The following HNRNPH1 variants were observed in gnomAD, a reference collection of about 807,000 sequenced individuals.
HNRNPH1 encodes heterogeneous nuclear ribonucleoprotein H1.
HNRNPH1 carries 4 observed loss-of-function variants against 58.6 expected under a neutral mutation model. The observed-to-expected ratio is 0.07, with a 90% CI of 0.03 to 0.16. HNRNPH1 has a LOEUF of 0.16. HNRNPH1 is among the 10% of genes least tolerant of loss of function. The pLI, the probability that HNRNPH1 is intolerant of heterozygous loss-of-function variation, is 1.00. For missense variants in HNRNPH1, 271 were observed against 564.2 expected, an observed-to-expected ratio of 0.48 and a Z score of 5.26; for synonymous variants, 192 against 189.2, an observed-to-expected ratio of 1.01 and a Z score of -0.12.
upstream of HNRNPH1, among the ~76,000 whole-genome samples, chr5:179,628,224 C>G (rs1774544615): frequency 6.6e-6 from 1 of 152,124 alleles, no homozygotes; most frequent in Non-Finnish European, 1.5e-5. Context: ...TTTAGAAAGC[C>G]CTTTCCCATC....
exon 5 of HNRNPH1, chr5:179,618,274 CATA>C (rs765831236): frequency 2.5e-6 from 4 of 1,614,048 alleles, no homozygotes; most frequent in African/African-American, 1.3e-5. Flanking sequence ...CGTGGTGGAT[CATA>C]ATGAGTTCTA....
chr5:179,626,228 C>T (rs1406593921), upstream of HNRNPH1, among the ~76,000 whole-genome samples: 38 of 151,800 alleles, frequency 2.5e-4, no homozygotes, highest in Admixed American at 2.5e-3. Context: ...CTTAGCCTCC[C>T]AAGTAGAGGG....
intron 2 of HNRNPH1, among the ~76,000 whole-genome samples, chr5:179,631,577 C>G (rs1244546052): frequency 6.6e-6 from 1 of 152,136 alleles, no homozygotes; most frequent in Non-Finnish European, 1.5e-5. Context: ...GAAACCCCGC[C>G]TCTATTAAAA....
At chr5:179,620,499 G>GACACTTGCAACACAGACACT (rs1771827749) in intron 3 of HNRNPH1, among the ~76,000 whole-genome samples, 1 of 152,180 alleles carries the variant, frequency 6.6e-6, no homozygotes, top group Non-Finnish European at 1.5e-5. Flanking sequence ...ACCCAAATAC[G>GACACTTGCAACACAGACACT]TGTCTCTTGC....
chr5:179,629,028 C>G (rs28786752), upstream of HNRNPH1: 3 of 150,544 alleles, frequency 2.0e-5, no homozygotes, highest in Admixed American at 2.0e-4. Context: ...CTGGGCGCGG[C>G]GGCTCACGCC....
exon 13 of HNRNPH1, chr5:179,614,582 T>A: frequency 3.4e-6 from 1 of 290,924 alleles, no homozygotes; most frequent in Non-Finnish European, 6.6e-6. Flanking sequence ...ACTGCTTAAG[T>A]ACATCCTATA....
chr5:179,620,398 T>C (rs2127664891), intron 3 of HNRNPH1, among the ~76,000 whole-genome samples: 1 of 152,334 alleles, frequency 6.6e-6, no homozygotes, highest in Non-Finnish European at 1.5e-5. Context: ...TGATTTTCAG[T>C]AAGTTTATAC....
chr5:179,619,098 C>T lies in HNRNPH1; in HGVS notation c.536+171G>A, dbSNP rs1581678288. 2.4e-5 allele frequency: 14 copies of T among 573,652 alleles called. No homozygotes were observed. The South Asian group carries it at 3.7e-4, about 15-fold the overall frequency. The allele number at this position is 573,652 out of a possible 1,614,324, so 35.5% of individuals were successfully genotyped here. Reference sequence around the variant, plus strand: ...AATTAACTAGGGACAAATTTCAAACCTAAAATTTAGTTTGCGTGTAACGTG... The same window carrying T: ...AATTAACTAGGGACAAATTTCAAACTTAAAATTTAGTTTGCGTGTAACGTG... On this transcript the variant is annotated intron_variant, in intron 4 of 12. Transcript: ENST00000356731.
chr5:179,617,374 C>G, intron 8 of HNRNPH1, 140 bp downstream of exon 9: 1 of 1,027,716 alleles, frequency 9.7e-7, no homozygotes, highest in Non-Finnish European at 1.4e-6. Flanking sequence ...ACCTTCAACA[C>G]ACTGCCCCCG....
At chr5:179,620,781 G>T in intron 3 of HNRNPH1, 111 bp downstream of exon 4, 1 of 859,706 alleles carries the variant, frequency 1.2e-6, no homozygotes, top group South Asian at 1.7e-5. Context: ...TAATTCATTG[G>T]CAATTTACAA....
At chr5:179,621,748 G>C in intron 1 of HNRNPH1, 1 of 370,412 alleles carries the variant, frequency 2.7e-6, no homozygotes, top group Non-Finnish European at 5.2e-6. Context: ...ACTTCGTTGC[G>C]AGCTGTTTTG....
intron 10 of HNRNPH1, 102 bp downstream of exon 11, chr5:179,616,767 G>C (rs989487256): frequency 3.0e-5 from 31 of 1,047,542 alleles, no homozygotes; most frequent in Admixed American, 9.5e-5. Flanking sequence ...CTTTGCCTAA[G>C]TTTCTTATGC....
upstream of HNRNPH1, among the ~76,000 whole-genome samples, chr5:179,628,300 C>G (rs1206212083): frequency 6.6e-6 from 1 of 152,114 alleles, no homozygotes; most frequent in Non-Finnish European, 1.5e-5. Context: ...ACAGCTTAGC[C>G]TCAATAAGAT....
At chr5:179,614,827 T>A in exon 13 of HNRNPH1, 27 of 989,948 alleles carry the variant, frequency 2.7e-5, no homozygotes, top group Non-Finnish European at 4.1e-5. Flanking sequence ...GAGTCAGTGA[T>A]CAGGATCGAT....
intron 10 of HNRNPH1, 146 bp downstream of exon 11, chr5:179,616,723 A>G (rs1220920335): frequency 3.6e-5 from 25 of 686,252 alleles, no homozygotes; most frequent in Admixed American, 1.2e-4. Flanking sequence ...GGATTTAAGT[A>G]AGCCAGATAC....
At chr5:179,625,122 AC>A (rs143636454), upstream of HNRNPH1, among the ~76,000 whole-genome samples, 2,105 of 152,278 alleles carry the variant, frequency 0.014, 48 homozygotes, top group African/African-American at 0.045. Context: ...GACGGTACAT[AC>A]CAGGCCCTCT....
upstream of HNRNPH1, among the ~76,000 whole-genome samples, chr5:179,627,717 G>A (rs750949555): frequency 6.6e-6 from 1 of 151,820 alleles, no homozygotes; most frequent in Non-Finnish European, 1.5e-5. Flanking sequence ...GATGTCAGGA[G>A]TTTCAGACAT....
In HNRNPH1 at chr5:179,616,090, T is replaced by TA. The variant is rs901927598; in HGVS notation, c.1300+35dup. On this transcript the variant is annotated intron_variant, in intron 11 of 12. Transcript: ENST00000356731. ...GTACAGTAATGAACAGGCTTTACCA[T>TA]AACTTACTCTAAGTACAGTAACAAA... 3.3e-6 allele frequency: 5 copies of TA among 1,520,098 alleles called. No homozygotes were observed. The African/African-American group carries it at 6.8e-5, about 21-fold the overall frequency. The allele number at this position is 1,520,098 out of a possible 1,614,324, so 94.2% of individuals were successfully genotyped here. A position where few individuals can be genotyped will look rare whatever the true frequency, so the allele number is the denominator to read the frequency against.
intron 2 of HNRNPH1, among the ~76,000 whole-genome samples, chr5:179,631,512 G>A (rs188624527): frequency 2.7e-3 from 414 of 151,864 alleles, no homozygotes; most frequent in Non-Finnish European, 4.4e-3. Flanking sequence ...TTGGGAGGCC[G>A]AGGCAGGCAA....
Sources: gnomAD v4.1 joint callset for allele counts (sites outside exome capture counted in the v4.1 genomes callset) on GRCh38, gnomAD v4.1.1 for gene constraint, MANE v1.5 for transcripts, NCBI Gene and HGNC (gene_info 2026-07-23, HGNC 2026-07-21) for gene names.